PAQR5: variants seen among roughly 807,000 people sequenced by gnomAD.
The protein encoded by PAQR5 is progestin and adipoQ receptor family member 5, also known as membrane progestin receptor gamma.
In PAQR5, 20 loss-of-function variants were observed where a neutral mutation model predicts 34.5. That is an observed-to-expected ratio of 0.58 (90% CI 0.41 to 0.84). The LOEUF (loss-of-function observed/expected upper bound fraction) is 0.84, where lower values mean the gene tolerates loss of function less well. PAQR5 is among the 40% of genes least tolerant of loss of function. PAQR5 has a pLI of 0.00. For missense variants in PAQR5, 378 were observed against 412.7 expected, an observed-to-expected ratio of 0.92 and a Z score of 0.73; for synonymous variants, 131 against 155.6, an observed-to-expected ratio of 0.84 and a Z score of 1.18.
At chr15:69,383,606 C>A (rs1261713348) in intron 4 of PAQR5, among the ~76,000 whole-genome samples, 1 of 131,712 alleles carries the variant, frequency 7.6e-6, no homozygotes, top group Admixed American at 7.3e-5. Flanking sequence ...GTGAGTGGGC[C>A]TTTGTGTTCA....
intron 2 of PAQR5, among the ~76,000 whole-genome samples, chr15:69,346,448 G>A (rs939606231): frequency 5.4e-4 from 82 of 151,620 alleles, no homozygotes; most frequent in African/African-American, 2.0e-3. Flanking sequence ...TGGGACCACA[G>A]GCACATGCCA....
chr15:69,379,926 A>G lies in PAQR5; in HGVS notation c.95A>G (p.Gln32Arg). The G allele has an allele frequency of 3.1e-6, 5 of 1,614,212 alleles. 1 individual carries two copies. The highest frequency in any genetic ancestry group is 4.2e-6 in the Non-Finnish European group (5 of 1,180,022). ...ATCCTGTTCGGCTACCGCCATCCAC[A>G]GAGTTCTGCCACTGCCTGCATCCTC... ...QGILFGYRHP[Q>R]SSATACILSL... is the part of the protein sequence containing the mutation. Residue 32 changes from glutamine (Q) to arginine (R), a missense_variant, in exon 4 of 9, where the codon CAG (glutamine) becomes CGG (arginine). Gln to Arg is a conservative substitution (Grantham distance 43). Coordinates refer to ENST00000395407, the MANE Select transcript of PAQR5 (RefSeq NM_017705.4).
At chr15:69,373,479 T>G (rs2055618376) in intron 3 of PAQR5, among the ~76,000 whole-genome samples, 1 of 152,230 alleles carries the variant, frequency 6.6e-6, no homozygotes, top group Non-Finnish European at 1.5e-5. Context: ...TTACAACAAA[T>G]GTAAAACCAG....
intron 6 of PAQR5, chr15:69,391,875 G>A: frequency 5.3e-6 from 2 of 373,918 alleles, no homozygotes; most frequent in Non-Finnish European, 1.1e-5. Context: ...TGGCCAATGT[G>A]GTGAAAACCT....
chr15:69,404,091 C>A lies in PAQR5; in HGVS notation c.*269C>A. 1 of 376,794 alleles carries A rather than the reference C, an allele frequency of 2.7e-6. No homozygotes were observed. The highest frequency in any genetic ancestry group is 4.8e-6 in the Non-Finnish European group (1 of 208,972). The allele number at this position is 376,794 out of a possible 1,614,324, so 23.3% of individuals were successfully genotyped here. A position where few individuals can be genotyped will look rare whatever the true frequency, so the allele number is the denominator to read the frequency against. ...TGATATTTCATTAATTTTAAATTTACTTAAAATGTGGTTTTAAATTCTATT... is the reference window on the plus strand; with the variant it reads ...TGATATTTCATTAATTTTAAATTTAATTAAAATGTGGTTTTAAATTCTATT... On this transcript the variant is annotated 3_prime_UTR_variant, in exon 9 of 9. Coordinates refer to ENST00000395407, the MANE Select transcript of PAQR5 (RefSeq NM_017705.4).
intron 6 of PAQR5, among the ~76,000 whole-genome samples, chr15:69,392,785 G>C (rs2056308598): frequency 1.3e-5 from 2 of 149,700 alleles, no homozygotes; most frequent in Non-Finnish European, 3.0e-5. Flanking sequence ...GAAGGAGGTA[G>C]AACACTTTAG....
intron 1 of PAQR5, among the ~76,000 whole-genome samples, chr15:69,312,142 A>C (rs1412198473): frequency 1.3e-5 from 2 of 152,072 alleles, no homozygotes; most frequent in African/African-American, 4.8e-5. Flanking sequence ...GTCCGGGAGG[A>C]CAGCAATCAG....
At chr15:69,379,388 C>A in intron 3 of PAQR5, 1 of 981,222 alleles carries the variant, frequency 1.0e-6, no homozygotes. Context: ...GCATCGTGGT[C>A]CTCATCATCA....
Position 69,405,464 on chromosome 15 carries a change from A to C in PAQR5, c.*1642A>C, listed in dbSNP as rs1367931863. The C allele has an allele frequency of 6.5e-6, 1 of 152,860 alleles. No homozygotes were observed. The highest frequency in any genetic ancestry group is 1.5e-5 in the Non-Finnish European group (1 of 68,512). 9.5% of individuals were successfully genotyped at this position (152,860 alleles called of 1,614,324 possible). A position where few individuals can be genotyped will look rare whatever the true frequency, so the allele number is the denominator to read the frequency against. Reference sequence around the variant, plus strand: ...TTCCTCTGGGGAAGGCAGACTGATAAAATTATATGGGCTGGTAAATTTTTG... The same window carrying C: ...TTCCTCTGGGGAAGGCAGACTGATACAATTATATGGGCTGGTAAATTTTTG... On this transcript the variant is annotated 3_prime_UTR_variant, in exon 9 of 9. Coordinates refer to ENST00000395407, the MANE Select transcript of PAQR5 (RefSeq NM_017705.4).
chr15:69,386,745 C>G (rs1324188557), intron 5 of PAQR5, among the ~76,000 whole-genome samples: 1 of 151,168 alleles, frequency 6.6e-6, no homozygotes, highest in African/African-American at 2.5e-5. Flanking sequence ...CTCCTCCATG[C>G]CTACTGCATC....
Position 69,385,645 on chromosome 15 carries a change from G to C in PAQR5, c.385+763G>C, listed in dbSNP as rs1367172965. 6.6e-6 allele frequency among the ~76,000 whole-genome samples: 1 copy of C among 151,986 alleles called. No homozygotes were observed. Among genetic ancestry groups the C allele is most frequent in the Non-Finnish European group, 1.5e-5 (1 of 68,006 alleles). ...TATGAGTTCTAGATTCTTCCTCCAG[G>C]TCCCATTCTAGGTGAGAAAACCAAT... On this transcript the variant is annotated intron_variant, in intron 5 of 8. Transcript: ENST00000395407. This position sits in a 1 kb window ranked among gnomAD's most constrained non-coding sequence, Gnocchi z 4.7.
chr15:69,395,203 C>T (rs1179065774), intron 6 of PAQR5, among the ~76,000 whole-genome samples: 1 of 152,164 alleles, frequency 6.6e-6, no homozygotes, highest in Non-Finnish European at 1.5e-5. Context: ...GAGGCAGATA[C>T]CTGGCTCTCG....
chr15:69,400,258 A>C lies in PAQR5; in HGVS notation c.751+143A>C, dbSNP rs1019606566. Reference sequence around the variant, plus strand: ...GGCGAGTAACATTGCAAGTTGACAGAGGTCAGGATGTCTGCAGCAGGTGCA... The same window carrying C: ...GGCGAGTAACATTGCAAGTTGACAGCGGTCAGGATGTCTGCAGCAGGTGCA... On this transcript the variant is annotated intron_variant, in intron 8 of 8. Coordinates refer to ENST00000395407, the MANE Select transcript of PAQR5 (RefSeq NM_017705.4). The C allele has an allele frequency of 4.7e-5, 39 of 824,450 alleles. No homozygotes were observed. The African/African-American group carries it at 6.5e-4, about 14-fold the overall frequency. 51.1% of individuals were successfully genotyped at this position (824,450 alleles called of 1,614,324 possible).
At chr15:69,342,113 TG>T (rs1470990737) in intron 2 of PAQR5, among the ~76,000 whole-genome samples, 2 of 152,088 alleles carry the variant, frequency 1.3e-5, no homozygotes, top group African/African-American at 2.4e-5. Flanking sequence ...TCCACACCCT[TG>T]CCAATACTTA....
chr15:69,333,960 A>G (rs970547334), intron 1 of PAQR5, among the ~76,000 whole-genome samples: 1 of 152,226 alleles, frequency 6.6e-6, no homozygotes, highest in African/African-American at 2.4e-5. Context: ...CAAATATTTT[A>G]TCAGAAAAAT....
At chr15:69,389,123 G>T (rs531396164) in intron 5 of PAQR5, among the ~76,000 whole-genome samples, 3 of 152,300 alleles carry the variant, frequency 2.0e-5, no homozygotes, top group South Asian at 2.1e-4. Context: ...TCTCAGCAAG[G>T]GCCCTCCCTC....
At chr15:69,344,468 C>A (rs768799796) in intron 2 of PAQR5, among the ~76,000 whole-genome samples, 1 of 152,174 alleles carries the variant, frequency 6.6e-6, no homozygotes, top group Non-Finnish European at 1.5e-5. Flanking sequence ...CTGTACTCTC[C>A]GGAATGTGTG....
rs780711031 is a variant in PAQR5, at chr15:69,322,691, GGAAGAAGAAGAAGAA to G, written c.-276-14584_-276-14570del. On this transcript the variant is annotated intron_variant, in intron 1 of 8. Transcript: ENST00000395407. ...AAAAAAAAGAAGAAGAAGGAGAAGA[GGAAGAAGAAGAAGAA>G]GAAGAAGAAGAAGAAGAAGAAGAAG... Among the ~76,000 whole-genome samples the G allele has an allele frequency of 2.0e-3, 50 of 25,466 alleles. 4 individuals carry two copies. Among genetic ancestry groups the G allele is most frequent in the African/African-American group, 7.5e-3 (50 of 6,644 alleles). 16.7% of individuals were successfully genotyped at this position (25,466 alleles called of 152,430 possible).
rs901560493 is a variant in PAQR5, at chr15:69,322,413, G to A, written c.-276-14928G>A. ...TAAGACAGGAGGCAGAGGTTGCAGT[G>A]AGCCGAGATCGCACCACTGCACTCC... On this transcript the variant is annotated intron_variant, in intron 1 of 8. Transcript: ENST00000395407. Among the ~76,000 whole-genome samples the A allele has an allele frequency of 1.4e-4, 21 of 149,170 alleles. 1 individual carries two copies. The highest frequency in any genetic ancestry group is 2.7e-4 in the Admixed American group (4 of 14,856).
Sources: gnomAD v4.1 joint callset for allele counts (sites outside exome capture counted in the v4.1 genomes callset) on GRCh38, gnomAD v4.1.1 for gene constraint, Gnocchi (gnomAD v3.1) non-coding constraint, MANE v1.5 for transcripts, NCBI Gene and HGNC (gene_info 2026-07-23, HGNC 2026-07-21) for gene names.